MIB1: variants seen among roughly 807,000 people sequenced by gnomAD.
The protein encoded by MIB1 is E3 ubiquitin-protein ligase MIB1.
Under a neutral mutation model 124.5 loss-of-function variants are expected in MIB1, and 278 were observed. The ratio of observed to expected loss-of-function variants is 2.23; its 90% CI spans 2.02 to 2.47. MIB1 has a LOEUF of 2.47. MIB1 is among the 30% of genes most tolerant of loss of function. The pLI is 0.00. For synonymous variants in MIB1, 446 were observed against 429.4 expected, an observed-to-expected ratio of 1.04 and a Z score of -0.48; for missense variants, 957 against 1,254.4, an observed-to-expected ratio of 0.76 and a Z score of 3.58.
At chr18:21,825,208 G>C (rs1039731824) in intron 12 of MIB1, among the ~76,000 whole-genome samples, 3 of 152,018 alleles carry the variant, frequency 2.0e-5, no homozygotes, top group African/African-American at 7.2e-5. Flanking sequence ...GTAAATAGCG[G>C]TAAAATTAAA....
intron 1 of MIB1, among the ~76,000 whole-genome samples, chr18:21,753,027 T>C (rs973023651): frequency 2.6e-5 from 4 of 152,180 alleles, no homozygotes; most frequent in Admixed American, 6.5e-5. Flanking sequence ...TTCTTTTTTT[T>C]CTGCCCCCTC....
chr18:21,831,712 C>T (rs558164173), intron 12 of MIB1, among the ~76,000 whole-genome samples: 29 of 151,892 alleles, frequency 1.9e-4, no homozygotes, highest in Non-Finnish European at 3.1e-4. Context: ...TTTCCACTTA[C>T]ATTTCCCAGA....
intron 1 of MIB1, among the ~76,000 whole-genome samples, chr18:21,714,225 C>T (rs779162075): frequency 2.6e-5 from 4 of 152,274 alleles, no homozygotes; most frequent in African/African-American, 7.2e-5. Context: ...TCCCTGCCTA[C>T]GTAACAGACC....
upstream of MIB1, among the ~76,000 whole-genome samples, chr18:21,739,347 CTACCAGAGG>C (rs1470428347): frequency 1.3e-5 from 2 of 152,114 alleles, no homozygotes; most frequent in Non-Finnish European, 2.9e-5. Context: ...CAGCCGAATT[CTACCAGAGG>C]TACAAAGAGG....
At chr18:21,796,970 C>T (rs1344242784) in intron 7 of MIB1, among the ~76,000 whole-genome samples, 1 of 152,082 alleles carries the variant, frequency 6.6e-6, no homozygotes, top group Non-Finnish European at 1.5e-5. Context: ...CAAAGAAAAA[C>T]ATGTACTTGT....
chr18:21,748,176 C>T (rs1360633983), intron 1 of MIB1, among the ~76,000 whole-genome samples: 1 of 152,066 alleles, frequency 6.6e-6, no homozygotes, highest in Non-Finnish European at 1.5e-5. Context: ...TTCTCTTTTT[C>T]TTTTATAGTA....
chr18:21,761,576 A>C (rs1442749341), intron 1 of MIB1, among the ~76,000 whole-genome samples: 1 of 152,196 alleles, frequency 6.6e-6, no homozygotes, highest in Non-Finnish European at 1.5e-5. Context: ...GGAGACAATG[A>C]CATTCCACCT....
intron 7 of MIB1, among the ~76,000 whole-genome samples, chr18:21,792,017 T>G (rs1164871786): frequency 6.6e-6 from 1 of 152,204 alleles, no homozygotes; most frequent in Non-Finnish European, 1.5e-5. Flanking sequence ...TTTAGTCATT[T>G]TTTCGTCAAA....
intron 19 of MIB1, among the ~76,000 whole-genome samples, chr18:21,858,133 C>CT (rs1209567988): frequency 2.0e-5 from 3 of 152,120 alleles, no homozygotes; most frequent in African/African-American, 4.8e-5. Context: ...TAAAAATCAT[C>CT]TGAGAGACTT....
intron 12 of MIB1, among the ~76,000 whole-genome samples, chr18:21,819,864 G>C (rs1331080352): frequency 6.6e-6 from 1 of 152,098 alleles, no homozygotes; most frequent in Non-Finnish European, 1.5e-5. Flanking sequence ...TATATTAAAT[G>C]TGGTTGTAAA....
chr18:21,781,365 T>TTATATATATATATATATA (rs57641355), intron 6 of MIB1, among the ~76,000 whole-genome samples: 1 of 67,252 alleles, frequency 1.5e-5, no homozygotes, highest in Non-Finnish European at 3.3e-5. Context: ...TCTGTTCAAG[T>TTATATATATATATATATA]TATATATATA....
intron 10 of MIB1, among the ~76,000 whole-genome samples, chr18:21,815,011 T>TTATATATATATATATATA (rs60363843): frequency 8.2e-4 from 43 of 52,634 alleles, no homozygotes; most frequent in Non-Finnish European, 9.4e-4. Flanking sequence ...GCTGTTGGTT[T>TTATATATATATATATATA]TATATATATA....
At chr18:21,792,437 A>G (rs1261740815) in intron 7 of MIB1, among the ~76,000 whole-genome samples, 1 of 151,190 alleles carries the variant, frequency 6.6e-6, no homozygotes, top group Non-Finnish European at 1.5e-5. Context: ...CTCCTGCCCC[A>G]TCTCATCCCC....
chr18:21,773,705 T>G lies in MIB1; in HGVS notation c.613T>G (p.Tyr205Asp). ...VLWDNGAKNL[Y>D]RVGFEGMSDL... ...CTGGGATAATGGTGCTAAGAACCTT[T>G]ACAGAGTTGGCTTTGAGGGCATGGT... The change falls in exon 4 of 21, where the codon TAC becomes GAC. Residue 205 changes from tyrosine (Y) to aspartate (D), a missense_variant. Coordinates refer to ENST00000261537, the MANE Select transcript of MIB1 (RefSeq NM_020774.4). The G allele has an allele frequency of 6.2e-7, 1 of 1,603,658 alleles. No individual in the cohort carries two copies.
In MIB1 at chr18:21,803,895, T is replaced by TA; in HGVS notation, c.1372-6dup. Reference sequence around the variant, plus strand: ...TCATTCATTCTTTCATTCTTTTTTTTAAAAAATGTAGGTAAATGGGCAATG... The same window carrying TA: ...TCATTCATTCTTTCATTCTTTTTTTTAAAAAAATGTAGGTAAATGGGCAATG... On this transcript the variant is annotated splice_polypyrimidine_tract_variant and intron_variant, in intron 9 of 20. Transcript: ENST00000261537. The TA allele has an allele frequency of 6.3e-7, 1 of 1,595,544 alleles. No homozygotes were observed. Among genetic ancestry groups the TA allele is most frequent in the Non-Finnish European group, 8.6e-7 (1 of 1,164,420 alleles).
intron 1 of MIB1, among the ~76,000 whole-genome samples, chr18:21,757,358 A>G (rs975029853): frequency 7.5e-6 from 1 of 132,658 alleles, no homozygotes; most frequent in Non-Finnish European, 1.6e-5. Flanking sequence ...AGGCTGAGAC[A>G]GGAGAATCTC....
chr18:21,810,471 T>TTTCAAGA (rs1362357938), intron 10 of MIB1, among the ~76,000 whole-genome samples: 1 of 152,020 alleles, frequency 6.6e-6, no homozygotes, highest in Non-Finnish European at 1.5e-5. Flanking sequence ...GAGGACTCAC[T>TTTCAAGA]CTTCCTACTT....
intron 6 of MIB1, among the ~76,000 whole-genome samples, chr18:21,790,273 C>G (rs1024722689): frequency 6.6e-6 from 1 of 152,094 alleles, no homozygotes; most frequent in African/African-American, 2.4e-5. Context: ...AAATACCGAC[C>G]TCATGTGCAC....
At chr18:21,781,234 A>G (rs2041358127) in intron 6 of MIB1, among the ~76,000 whole-genome samples, 1 of 150,698 alleles carries the variant, frequency 6.6e-6, no homozygotes, top group Non-Finnish European at 1.5e-5. Context: ...GTAGTTTGAG[A>G]GGATTGATAT....
Sources: gnomAD v4.1 joint callset for allele counts (sites outside exome capture counted in the v4.1 genomes callset) on GRCh38, gnomAD v4.1.1 for gene constraint, MANE v1.5 for transcripts, NCBI Gene and HGNC (gene_info 2026-07-23, HGNC 2026-07-21) for gene names.